The following WWTR1 variants were observed in gnomAD, a reference collection of about 807,000 sequenced individuals.
WWTR1 encodes the protein WW domain containing transcription regulator 1.
WWTR1 carries 13 observed loss-of-function variants against 40.1 expected under a neutral mutation model. That is an observed-to-expected ratio of 0.32 (90% CI 0.21 to 0.52). The LOEUF is 0.52. Among genes scored for constraint, WWTR1 ranks in the 20% least tolerant of loss-of-function variants. The pLI is 0.97. For synonymous variants in WWTR1, 230 were observed against 210.1 expected (o/e 1.09, Z -0.82); for missense variants, 436 against 523.1 (o/e 0.83, Z 1.63).
chr3:149,641,078 G>T (rs1019393955), intron 2 of WWTR1, among the ~76,000 whole-genome samples: 1 of 152,156 alleles, frequency 6.6e-6, no homozygotes, highest in Non-Finnish European at 1.5e-5. Context: ...TATTTATTAT[G>T]CAGGGTCCTT....
rs1050019641 is a variant in WWTR1 at position 149,614,808 on chromosome 3, C to A, written c.432-41808G>T. Among the ~76,000 whole-genome samples the A allele has an allele frequency of 4.6e-5, 7 of 152,210 alleles. No individual in the cohort carries two copies. The South Asian group carries it at 6.2e-4, about 14-fold the overall frequency. ...GACCAGCCTGGCCAACATGGTGAAA[C>A]CCTGTCTCTACTAATAATACAAAAA... On this transcript the variant is annotated intron_variant, in intron 2 of 6. Coordinates refer to ENST00000360632, the MANE Select transcript of WWTR1 (RefSeq NM_015472.6).
chr3:149,578,576 A>T (rs939079230), intron 2 of WWTR1, among the ~76,000 whole-genome samples: 3 of 152,234 alleles, frequency 2.0e-5, no homozygotes, highest in Non-Finnish European at 4.4e-5. Context: ...GTGCAAACAT[A>T]GTAAAGGCAA....
At chr3:149,688,572 T>C (rs1714723697) in intron 1 of WWTR1, among the ~76,000 whole-genome samples, 1 of 152,226 alleles carries the variant, frequency 6.6e-6, no homozygotes, top group South Asian at 2.1e-4. Flanking sequence ...ATTACTGGGA[T>C]TGGGGTGCCT....
At chr3:149,603,753 A>G (rs1018551581) in intron 2 of WWTR1, among the ~76,000 whole-genome samples, 1 of 152,030 alleles carries the variant, frequency 6.6e-6, no homozygotes, top group African/African-American at 2.4e-5. Flanking sequence ...TGTCCTTAGT[A>G]ACGCAGAAAA....
chr3:149,656,885 T>G lies in WWTR1; in HGVS notation c.422A>C (p.Tyr141Ser). The part of the protein sequence containing the change: ...EMTFTATGQR[Y>S]FLNHIEKITT... ...CTCCAGGCTGACTTACTTGAGGAAG[T>G]ACCTCTGGCCAGTGGCCGTGAAGGT... The change falls in exon 2 of 7, where the codon TAC becomes TCC. Residue 141 changes from tyrosine (Y) to serine (S), a missense_variant. Tyr to Ser is a moderately radical substitution (Grantham distance 144). Coordinates refer to ENST00000360632, the MANE Select transcript of WWTR1 (RefSeq NM_015472.6). The G allele has an allele frequency of 6.6e-7, 1 of 1,518,850 alleles. No homozygotes were observed. Among genetic ancestry groups the G allele is most frequent in the Non-Finnish European group, 8.8e-7 (1 of 1,140,750 alleles). 94.1% of individuals were successfully genotyped at this position (1,518,850 alleles called of 1,614,324 possible).
At chr3:149,689,542 T>C (rs1028880197) in intron 1 of WWTR1, among the ~76,000 whole-genome samples, 2 of 151,208 alleles carry the variant, frequency 1.3e-5, no homozygotes, top group African/African-American at 4.9e-5. Flanking sequence ...CATAAAGGAG[T>C]TCCAGTGGGA....
intron 2 of WWTR1, among the ~76,000 whole-genome samples, chr3:149,579,245 A>T (rs1738031724): frequency 1.3e-5 from 2 of 152,198 alleles, no homozygotes. Context: ...CCCCTCCATC[A>T]GCAGAGTGGT....
chr3:149,528,115 T>G (rs1735415658), intron 4 of WWTR1, 146 bp from the exon 5 acceptor site: 1 of 1,057,724 alleles, frequency 9.5e-7, no homozygotes, highest in Admixed American at 3.1e-5. Flanking sequence ...ACCATTAGTA[T>G]TCTTTCTCCG....
intron 6 of WWTR1, among the ~76,000 whole-genome samples, chr3:149,524,438 A>G (rs1213544395): frequency 1.3e-5 from 2 of 151,838 alleles, no homozygotes; most frequent in East Asian, 3.9e-4. Context: ...AGATGAAAGT[A>G]AAGAATTATT....
intron 2 of WWTR1, among the ~76,000 whole-genome samples, chr3:149,648,815 C>A (rs967886887): frequency 6.6e-5 from 10 of 152,086 alleles, no homozygotes; most frequent in Non-Finnish European, 1.3e-4. Context: ...GGCAGCTGAT[C>A]CAGGCTCTAG....
chr3:149,657,100 C>T lies in WWTR1; in HGVS notation c.207G>A (p.Ser69=). The change falls in exon 2 of 7, where the codon TCG becomes TCA. Residue 69 remains serine (S), a synonymous_variant. Coordinates refer to ENST00000360632, the MANE Select transcript of WWTR1 (RefSeq NM_015472.6). ...GSHSRQSSTD[S]SGGHPGPRLA... ...GTCGAGGCCCCGGGTGGCCGCCCGA[C>T]GAGTCGGTGCTGGACTGGCGCGAGT... 6.3e-7 allele frequency: 1 copy of T among 1,577,696 alleles called. No homozygotes were observed. Among genetic ancestry groups the T allele is most frequent in the South Asian group, 1.1e-5 (1 of 87,590 alleles).
chr3:149,531,458 C>T (rs1199982085), intron 4 of WWTR1, among the ~76,000 whole-genome samples: 2 of 152,164 alleles, frequency 1.3e-5, no homozygotes, highest in Non-Finnish European at 2.9e-5. Flanking sequence ...ACCACCACAC[C>T]CTGCATAACA....
intron 2 of WWTR1, among the ~76,000 whole-genome samples, chr3:149,637,715 G>A (rs1188333053): frequency 6.6e-6 from 1 of 152,104 alleles, no homozygotes; most frequent in Non-Finnish European, 1.5e-5. Context: ...AGATTAAGTG[G>A]CAAATTACCC....
chr3:149,666,988 C>T (rs1423168243), intron 2 of WWTR1, among the ~76,000 whole-genome samples: 4 of 152,152 alleles, frequency 2.6e-5, no homozygotes, highest in Non-Finnish European at 5.9e-5. Context: ...TGTACAGAGG[C>T]TCCTAAAATG....
chr3:149,568,933 AT>A (rs1256548381), intron 3 of WWTR1, among the ~76,000 whole-genome samples: 1 of 152,036 alleles, frequency 6.6e-6, no homozygotes. Flanking sequence ...CACCCAGCTA[AT>A]TTTTTGCATT....
intron 2 of WWTR1, among the ~76,000 whole-genome samples, chr3:149,633,673 G>A (rs996656217): frequency 2.0e-5 from 3 of 152,048 alleles, no homozygotes; most frequent in Non-Finnish European, 4.4e-5. Context: ...GGGGTGGAGC[G>A]GACACTAAGA....
At chr3:149,709,812 G>C (rs142704591) in intron 5 of WWTR1, among the ~76,000 whole-genome samples, 3 of 152,274 alleles carry the variant, frequency 2.0e-5, no homozygotes, top group African/African-American at 7.2e-5. Context: ...GCTGAGGTGG[G>C]AGAACTGCTT....
intron 5 of WWTR1, among the ~76,000 whole-genome samples, chr3:149,712,584 T>G (rs1338952797): frequency 6.6e-6 from 1 of 152,214 alleles, no homozygotes; most frequent in Non-Finnish European, 1.5e-5. Context: ...GAAAAGTAAG[T>G]GCGACCTGCA....
chr3:149,687,505 A>G (rs1180578359), intron 1 of WWTR1, among the ~76,000 whole-genome samples: 1 of 152,258 alleles, frequency 6.6e-6, no homozygotes, highest in Admixed American at 6.5e-5. Flanking sequence ...CAATTACAGT[A>G]GCTAATAATA....
Sources: allele counts gnomAD v4.1 joint callset (sites outside exome capture counted in the v4.1 genomes callset), GRCh38; gene constraint gnomAD v4.1.1; transcripts MANE v1.5; gene names NCBI Gene and HGNC (gene_info 2026-07-23, HGNC 2026-07-21).